NR2C2: variants seen among roughly 807,000 people sequenced by gnomAD.
The protein encoded by NR2C2 is Nuclear hormone receptor TR4.
A neutral mutation model predicts 62.9 loss-of-function variants in NR2C2; 6 were observed. The observed-to-expected ratio is 0.10, with a 90% CI of 0.05 to 0.19. The LOEUF (loss-of-function observed/expected upper bound fraction) is 0.19. NR2C2 is among the 10% of genes least tolerant of loss of function. The pLI is 1.00. For synonymous variants in NR2C2, 272 were observed against 273.8 expected, an observed-to-expected ratio of 0.99 and a Z score of 0.07; for missense variants, 479 against 762.7, an observed-to-expected ratio of 0.63 and a Z score of 4.38.
At chr3:14,967,131 A>G (rs993704221) in intron 1 of NR2C2, among the ~76,000 whole-genome samples, 1 of 152,010 alleles carries the variant, frequency 6.6e-6, no homozygotes, top group Non-Finnish European at 1.5e-5. Context: ...TAAGTTATCT[A>G]ATTTGTTGGT....
At chr3:15,041,115 T>C (rs994369202) in intron 13 of NR2C2, among the ~76,000 whole-genome samples, 6 of 152,222 alleles carry the variant, frequency 3.9e-5, no homozygotes, top group South Asian at 2.1e-4. Context: ...GGCTTTCTTA[T>C]AGGGCTCAGA....
At chr3:15,012,185 T>G (rs2041374129) in intron 2 of NR2C2, among the ~76,000 whole-genome samples, 1 of 152,176 alleles carries the variant, frequency 6.6e-6, no homozygotes, top group South Asian at 2.1e-4. Flanking sequence ...CAAGCTGTTG[T>G]GTTAGACTGT....
intron 2 of NR2C2, among the ~76,000 whole-genome samples, chr3:15,011,368 A>G (rs1411230432): frequency 1.3e-5 from 2 of 152,116 alleles, no homozygotes; most frequent in African/African-American, 4.8e-5. Context: ...TGATAGACAT[A>G]TGACTCACAG....
At chr3:14,995,460 T>C (rs2040806920) in intron 1 of NR2C2, among the ~76,000 whole-genome samples, 1 of 152,182 alleles carries the variant, frequency 6.6e-6, no homozygotes, top group African/African-American at 2.4e-5. Flanking sequence ...CTGGCTTCTT[T>C]TACCTAGCAT....
chr3:14,957,238 G>C (rs571972166), intron 1 of NR2C2, among the ~76,000 whole-genome samples: 1 of 152,204 alleles, frequency 6.6e-6, no homozygotes, highest in African/African-American at 2.4e-5. Flanking sequence ...ATTGTGGAGG[G>C]AAAGGCAGCC....
intron 1 of NR2C2, among the ~76,000 whole-genome samples, chr3:14,979,093 G>C (rs146644819): frequency 6.6e-6 from 1 of 152,106 alleles, no homozygotes; most frequent in Non-Finnish European, 1.5e-5. Context: ...TCTGCTTTCT[G>C]TCCTCCAAAA....
At chr3:15,005,088 T>C (rs955342022) in intron 2 of NR2C2, among the ~76,000 whole-genome samples, 1 of 152,108 alleles carries the variant, frequency 6.6e-6, no homozygotes, top group Non-Finnish European at 1.5e-5. Context: ...CCCTTTATGT[T>C]TATTTTCCTT....
Position 15,028,723 on chromosome 3 carries a change from C to A in NR2C2, c.932+4C>A. ...AGTCTGCAAGTGAGATAACTCGGTA[C>A]GAGCCCATGAGGATGGAGTCTCCCC... On this transcript the variant is annotated splice_donor_region_variant and intron_variant, in intron 8 of 13. Transcript: ENST00000425241. 6.2e-7 allele frequency: 1 copy of A among 1,613,498 alleles called. No individual in the cohort carries two copies. The highest frequency in any genetic ancestry group is 8.5e-7 in the Non-Finnish European group (1 of 1,179,508).
chr3:14,973,177 T>C (rs191422702), intron 1 of NR2C2, among the ~76,000 whole-genome samples: 1 of 152,226 alleles, frequency 6.6e-6, no homozygotes, highest in African/African-American at 2.4e-5. Context: ...GCTTGTACTT[T>C]TAGTGTCATA....
At chr3:15,037,419 T>C (rs1216739364) in intron 11 of NR2C2, among the ~76,000 whole-genome samples, 1 of 152,078 alleles carries the variant, frequency 6.6e-6, no homozygotes, top group Non-Finnish European at 1.5e-5. Flanking sequence ...CAGTAAAATA[T>C]TGTCATGAGG....
rs184851645 is a variant in NR2C2 at position 14,987,234 on chromosome 3, C to T, written c.-39-16642C>T. ...AGTAGCTGGGACTGCAGGCACATGCCACCACACCCAGCTGGTTTTTTTATT... is the reference window on the plus strand; with the variant it reads ...AGTAGCTGGGACTGCAGGCACATGCTACCACACCCAGCTGGTTTTTTTATT... On this transcript the variant is annotated intron_variant, in intron 1 of 13. Transcript: ENST00000425241. 1.3e-3 allele frequency among the ~76,000 whole-genome samples: 202 copies of T among 152,260 alleles called. 1 individual carries two copies. Among genetic ancestry groups the T allele is most frequent in the African/African-American group, 4.3e-3 (177 of 41,540 alleles).
At chr3:14,954,304 GAAAT>G (rs1434982372) in intron 1 of NR2C2, among the ~76,000 whole-genome samples, 7 of 150,708 alleles carry the variant, frequency 4.6e-5, no homozygotes, top group South Asian at 4.2e-4. Flanking sequence ...CTTTTCTAAA[GAAAT>G]AAACAATGTA....
chr3:15,007,360 C>T (rs1386344284), intron 2 of NR2C2, among the ~76,000 whole-genome samples: 1 of 151,952 alleles, frequency 6.6e-6, no homozygotes, highest in Non-Finnish European at 1.5e-5. Flanking sequence ...GTCTCCTGAC[C>T]TTATGATCCG....
chr3:14,975,393 A>G (rs777139897), intron 1 of NR2C2, among the ~76,000 whole-genome samples: 20 of 152,124 alleles, frequency 1.3e-4, no homozygotes, highest in Admixed American at 9.2e-4. Context: ...ATTTCCTTCT[A>G]TTCCTATTTT....
At position 14,994,878 on chromosome 3, in the gene NR2C2, G is replaced by A. The variant is rs905201926; in HGVS notation, c.-39-8998G>A. ...TGCAGTGAGCTATGATTGTGCCACT[G>A]CACTTCAGCCTGGGTGACAGAACAA... On this transcript the variant is annotated intron_variant, in intron 1 of 13. Coordinates refer to ENST00000425241, the MANE Select transcript of NR2C2 (RefSeq NM_001291694.2). 2.1e-4 allele frequency among the ~76,000 whole-genome samples: 31 copies of A among 148,636 alleles called. 4 individuals carry two copies. The South Asian group carries it at 2.3e-3, about 11-fold the overall frequency.
intron 12 of NR2C2, 199 bp from the exon 13 acceptor site, chr3:15,038,923 C>CGCT (rs1009608444): frequency 1.7e-6 from 1 of 573,072 alleles, no homozygotes; most frequent in African/African-American, 1.9e-5. Context: ...GTCCCCGACC[C>CGCT]GCTCCCAGGA....
chr3:14,957,228 A>C (rs1188650328), intron 1 of NR2C2, among the ~76,000 whole-genome samples: 1 of 152,160 alleles, frequency 6.6e-6, no homozygotes, highest in Non-Finnish European at 1.5e-5. Context: ...GAATCAGTTG[A>C]TTGTGGAGGG....
Position 15,024,118 on chromosome 3 carries a change from A to T in NR2C2, c.708A>T (p.Gln236His). The change falls in exon 7 of 14, where the codon CAA (glutamine) becomes CAT (histidine). Residue 236 changes from glutamine to histidine, a missense_variant. By Grantham distance (24) the Gln-to-His change is conservative. Coordinates refer to ENST00000425241, the MANE Select transcript of NR2C2 (RefSeq NM_001291694.2). ...AGTTTCTTTATGTCTTAAATAGACAAACAGGTCTTCTTGATCCAGGGATGC... is the reference window on the plus strand; with the variant it reads ...AGTTTCTTTATGTCTTAAATAGACATACAGGTCTTCTTGATCCAGGGATGC... ...TFVADKDGAR[Q>H]TGLLDPGMLV... The T allele has an allele frequency of 6.2e-7, 1 of 1,611,600 alleles. No individual in the cohort carries two copies. Among genetic ancestry groups the T allele is most frequent in the South Asian group, 1.1e-5 (1 of 90,822 alleles).
At chr3:14,988,093 G>A (rs886286148) in intron 1 of NR2C2, among the ~76,000 whole-genome samples, 2 of 152,246 alleles carry the variant, frequency 1.3e-5, no homozygotes, top group Non-Finnish European at 2.9e-5. Flanking sequence ...ACAGACAGAT[G>A]TATATATAGA....
Sources: gnomAD v4.1 joint callset for allele counts (sites outside exome capture counted in the v4.1 genomes callset) on GRCh38, gnomAD v4.1.1 for gene constraint, MANE v1.5 for transcripts, NCBI Gene and HGNC (gene_info 2026-07-23, HGNC 2026-07-21) for gene names.